The following NMNAT3 variants were observed in gnomAD, a reference collection of about 807,000 sequenced individuals.
NMNAT3 encodes the protein nicotinamide/nicotinic acid mononucleotide adenylyltransferase 3.
Under a neutral mutation model 24.8 loss-of-function variants are expected in NMNAT3, and 21 were observed. The observed-to-expected ratio is 0.85, with a 90% CI of 0.60 to 1.22. The LOEUF (loss-of-function observed/expected upper bound fraction) is 1.22, where lower values mean the gene tolerates loss of function less well. Among genes scored for constraint, NMNAT3 ranks in the 50% most tolerant of loss-of-function variants. The pLI, the probability that NMNAT3 is intolerant of heterozygous loss-of-function variation, is 0.00. For missense variants in NMNAT3, 387 were observed against 436.6 expected (o/e 0.89, Z 1.01); for synonymous variants, 136 against 155.2 (o/e 0.88, Z 0.92).
chr3:139,644,620 T>C (rs2056811402), intron 1 of NMNAT3, among the ~76,000 whole-genome samples: 2 of 151,982 alleles, frequency 1.3e-5, no homozygotes, highest in Admixed American at 6.5e-5. Flanking sequence ...TGTGGAGCTC[T>C]AAGAAAAAAG....
intron 3 of NMNAT3, among the ~76,000 whole-genome samples, chr3:139,595,663 T>G (rs6772158): frequency 0.016 from 2,460 of 152,192 alleles, 68 homozygotes; most frequent in African/African-American, 0.056. Context: ...GCCGCATATC[T>G]ACAACTATCT....
At chr3:139,666,309 T>A (rs1405937681) in intron 1 of NMNAT3, among the ~76,000 whole-genome samples, 1 of 152,140 alleles carries the variant, frequency 6.6e-6, no homozygotes, top group African/African-American at 2.4e-5. Context: ...TCCCACCTGG[T>A]CCTCCAGGGA....
intron 4 of NMNAT3, among the ~76,000 whole-genome samples, chr3:139,579,642 C>A (rs1252777401): frequency 6.6e-6 from 1 of 152,118 alleles, no homozygotes; most frequent in African/African-American, 2.4e-5. Context: ...GGACTGTGCT[C>A]ACTAACCATG....
At chr3:139,609,509 G>A (rs1021131014) in intron 3 of NMNAT3, among the ~76,000 whole-genome samples, 1 of 152,180 alleles carries the variant, frequency 6.6e-6, no homozygotes, top group Non-Finnish European at 1.5e-5. Flanking sequence ...ATTTTCTCAT[G>A]TGCTTATCCG....
At chr3:139,674,190 C>T (rs1346272192) in intron 1 of NMNAT3, among the ~76,000 whole-genome samples, 7 of 152,238 alleles carry the variant, frequency 4.6e-5, no homozygotes, top group African/African-American at 1.7e-4. Context: ...CCACCCAAAA[C>T]CTATTACAGA....
At chr3:139,588,629 T>C (rs2054039283) in intron 3 of NMNAT3, among the ~76,000 whole-genome samples, 1 of 151,886 alleles carries the variant, frequency 6.6e-6, no homozygotes, top group Non-Finnish European at 1.5e-5. Context: ...CCTCTCCAGG[T>C]GGGGGTGCCA....
At chr3:139,626,876 G>A (rs1045134866) in intron 3 of NMNAT3, among the ~76,000 whole-genome samples, 4 of 151,924 alleles carry the variant, frequency 2.6e-5, no homozygotes, top group Middle Eastern at 6.8e-3. Context: ...GTCCTTAAAG[G>A]CAAACTTTTT....
At chr3:139,643,250 G>A (rs925992364) in intron 1 of NMNAT3, among the ~76,000 whole-genome samples, 6 of 152,210 alleles carry the variant, frequency 3.9e-5, no homozygotes, top group African/African-American at 9.6e-5. Flanking sequence ...GGGAACCCCC[G>A]TGCATTGTTG....
chr3:139,604,223 G>A (rs556519024), intron 3 of NMNAT3, among the ~76,000 whole-genome samples: 1 of 152,320 alleles, frequency 6.6e-6, no homozygotes, highest in Non-Finnish European at 1.5e-5. Flanking sequence ...TGCAAGCCAC[G>A]TAGCAACTAG....
At chr3:139,580,588 G>T (rs149791746) in intron 4 of NMNAT3, among the ~76,000 whole-genome samples, 19 of 152,202 alleles carry the variant, frequency 1.2e-4, no homozygotes, top group Non-Finnish European at 2.5e-4. Context: ...ACAGACGCTC[G>T]CCACCTGGCA....
chr3:139,590,603 C>A (rs1453828318), intron 3 of NMNAT3, among the ~76,000 whole-genome samples: 1 of 152,050 alleles, frequency 6.6e-6, no homozygotes, highest in African/African-American at 2.4e-5. Flanking sequence ...GAGGATGGAA[C>A]AAATAACACT....
At chr3:139,578,098 G>A (rs1939603714) in intron 5 of NMNAT3, among the ~76,000 whole-genome samples, 1 of 152,226 alleles carries the variant, frequency 6.6e-6, no homozygotes. Context: ...TTAGTGATGA[G>A]GCAGGCCATA....
chr3:139,569,647 C>T (rs1937789467), intron 6 of NMNAT3: 1 of 152,172 alleles, frequency 6.6e-6, no homozygotes. Context: ...AAATTCTTTT[C>T]TTTAAGAATG....
At chr3:139,594,859 T>C (rs1416164273) in intron 3 of NMNAT3, among the ~76,000 whole-genome samples, 1 of 152,222 alleles carries the variant, frequency 6.6e-6, no homozygotes, top group African/African-American at 2.4e-5. Context: ...GATATCATAC[T>C]GAATGGGCAA....
chr3:139,632,593 C>T (rs2056343450), intron 2 of NMNAT3, among the ~76,000 whole-genome samples: 1 of 152,248 alleles, frequency 6.6e-6, no homozygotes, highest in South Asian at 2.1e-4. Context: ...GCCATCTACT[C>T]AGTGGACAAC....
intron 5 of NMNAT3, chr3:139,576,074 T>C: frequency 7.8e-7 from 1 of 1,284,750 alleles, no homozygotes; most frequent in Non-Finnish European, 1.0e-6. Flanking sequence ...CTCAGTAAGC[T>C]CTACAGTGAA....
intron 1 of NMNAT3, among the ~76,000 whole-genome samples, chr3:139,676,970 G>C (rs1315351188): frequency 2.6e-5 from 4 of 152,258 alleles, no homozygotes; most frequent in African/African-American, 9.6e-5. Flanking sequence ...TCAATGGGTA[G>C]AACAATCCCA....
intron 6 of NMNAT3, among the ~76,000 whole-genome samples, chr3:139,565,233 T>A (rs1292344825): frequency 6.6e-6 from 1 of 152,234 alleles, no homozygotes; most frequent in Admixed American, 6.5e-5. Flanking sequence ...GCATAAATCT[T>A]TGTCCCAATC....
chr3:139,608,796 C>T (rs2055059472), intron 3 of NMNAT3, among the ~76,000 whole-genome samples: 1 of 152,150 alleles, frequency 6.6e-6, no homozygotes, highest in African/African-American at 2.4e-5. Flanking sequence ...CTGTAGTTTT[C>T]ATGTAATCAT....
Sources: gnomAD v4.1 joint callset for allele counts (sites outside exome capture counted in the v4.1 genomes callset) on GRCh38, gnomAD v4.1.1 for gene constraint, MANE v1.5 for transcripts, NCBI Gene and HGNC (gene_info 2026-07-23, HGNC 2026-07-21) for gene names.